Variants in MTUS2 observed in about 807,000 individuals in gnomAD.
The protein encoded by MTUS2 is microtubule-associated tumor suppressor candidate 2.
In MTUS2, 40 loss-of-function variants were observed where a neutral mutation model predicts 114.1. The ratio of observed to expected loss-of-function variants is 0.35; its 90% confidence interval spans 0.27 to 0.46. MTUS2 has a LOEUF of 0.46. Among genes scored for constraint, MTUS2 ranks in the 20% least tolerant of loss-of-function variants. The pLI is 1.00. For missense variants in MTUS2, 1,679 were observed against 1,705.4 expected, an observed-to-expected ratio of 0.98 and a Z score of 0.27; for synonymous variants, 688 against 672.0, an observed-to-expected ratio of 1.02 and a Z score of -0.37.
At chr13:29,357,563 A>T (rs1476689516) in intron 7 of MTUS2, among the ~76,000 whole-genome samples, 2 of 152,188 alleles carry the variant, frequency 1.3e-5, no homozygotes, top group Non-Finnish European at 2.9e-5. Context: ...TTAGAGTTTA[A>T]TGCAGGCAAT....
At chr13:28,914,920 C>G (rs895483545) in intron 2 of MTUS2, among the ~76,000 whole-genome samples, 9 of 151,306 alleles carry the variant, frequency 5.9e-5, no homozygotes, top group African/African-American at 1.7e-4. Flanking sequence ...GTGACCCCTG[C>G]TTTTTTTTGC....
chr13:29,320,682 A>G (rs910031977), intron 6 of MTUS2, among the ~76,000 whole-genome samples: 1 of 152,210 alleles, frequency 6.6e-6, no homozygotes, highest in Admixed American at 6.5e-5. Context: ...TTTAACAGTA[A>G]AATCATGGGA....
intron 2 of MTUS2, among the ~76,000 whole-genome samples, chr13:28,893,637 GC>G (rs1388795264): frequency 6.6e-6 from 1 of 152,180 alleles, no homozygotes; most frequent in Non-Finnish European, 1.5e-5. Flanking sequence ...AGGAACAGAA[GC>G]ATCCCATGAA....
intron 5 of MTUS2, among the ~76,000 whole-genome samples, chr13:29,169,508 TG>T (rs1893463602): frequency 6.6e-6 from 1 of 152,210 alleles, no homozygotes; most frequent in Non-Finnish European, 1.5e-5. Context: ...TTTACGTGTG[TG>T]TCAGAGACAT....
chr13:28,825,714 A>G (rs1033807963), intron 1 of MTUS2, among the ~76,000 whole-genome samples: 2 of 152,230 alleles, frequency 1.3e-5, no homozygotes, highest in African/African-American at 4.8e-5. Context: ...GGACAGGGGT[A>G]TGGAACCAGG....
chr13:29,203,220 G>GA (rs2139246877), intron 5 of MTUS2, among the ~76,000 whole-genome samples: 1 of 152,346 alleles, frequency 6.6e-6, no homozygotes, highest in South Asian at 2.1e-4. Flanking sequence ...CAGAGAGGAG[G>GA]AATCTAGAGA....
chr13:29,338,922 A>T (rs929168447), intron 7 of MTUS2, among the ~76,000 whole-genome samples: 8 of 152,224 alleles, frequency 5.3e-5, no homozygotes, highest in African/African-American at 1.9e-4. Context: ...CTGCAGGCTA[A>T]GGAGAGGCGG....
At chr13:29,384,013 A>G (rs1030747010) in intron 8 of MTUS2, among the ~76,000 whole-genome samples, 24 of 152,182 alleles carry the variant, frequency 1.6e-4, no homozygotes, top group Non-Finnish European at 1.2e-4. Context: ...ATATAATGAA[A>G]CCTGGAGTGG....
chr13:29,296,200 TGTTTG>T (rs1231303397), intron 6 of MTUS2, among the ~76,000 whole-genome samples: 108 of 34,354 alleles, frequency 3.1e-3, no homozygotes, highest in African/African-American at 0.019. Context: ...TTTAGGTTTT[TGTTTG>T]TTTGTTTGTT....
chr13:29,022,615 C>T (rs180926646), intron 2 of MTUS2, among the ~76,000 whole-genome samples: 4 of 152,320 alleles, frequency 2.6e-5, no homozygotes, highest in Admixed American at 2.6e-4. Flanking sequence ...GTGGTGTGCA[C>T]GTGTGCTTGC....
intron 9 of MTUS2, among the ~76,000 whole-genome samples, chr13:29,477,572 G>T (rs966901508): frequency 3.9e-5 from 6 of 152,196 alleles, no homozygotes; most frequent in Non-Finnish European, 7.4e-5. Context: ...AGAGGAAGGG[G>T]AGGACCCTGG....
intron 5 of MTUS2, among the ~76,000 whole-genome samples, chr13:29,157,787 T>G (rs4769003): frequency 0.4 from 60,823 of 151,760 alleles, 13,970 homozygotes; most frequent in Non-Finnish European, 0.48. Flanking sequence ...GATATATATA[T>G]ATAGATAGAT....
At chr13:29,489,318 CTT>C (rs1178718664) in intron 11 of MTUS2, among the ~76,000 whole-genome samples, 4 of 152,158 alleles carry the variant, frequency 2.6e-5, no homozygotes, top group Non-Finnish European at 5.9e-5. Flanking sequence ...CATTGATAAA[CTT>C]TTACAATTTG....
intron 2 of MTUS2, among the ~76,000 whole-genome samples, chr13:28,887,517 T>C (rs1460518049): frequency 6.6e-6 from 1 of 152,124 alleles, no homozygotes; most frequent in Non-Finnish European, 1.5e-5. Context: ...CACTGCATGG[T>C]TTTGGGTTTC....
intron 5 of MTUS2, among the ~76,000 whole-genome samples, chr13:29,206,103 C>G (rs915538390): frequency 3.3e-5 from 5 of 152,180 alleles, no homozygotes; most frequent in Non-Finnish European, 5.9e-5. Flanking sequence ...TATGGCCGTT[C>G]TTGCTGGAGT....
At chr13:29,429,406 C>A (rs1177408483) in intron 8 of MTUS2, among the ~76,000 whole-genome samples, 1 of 152,184 alleles carries the variant, frequency 6.6e-6, no homozygotes, top group East Asian at 1.9e-4. Context: ...TCTCTCTGTA[C>A]TTCTTTGCAT....
intron 2 of MTUS2, among the ~76,000 whole-genome samples, chr13:28,919,929 A>G (rs566961902): frequency 1.3e-5 from 2 of 152,202 alleles, no homozygotes; most frequent in African/African-American, 2.4e-5. Flanking sequence ...AATAATTTCA[A>G]TCTCTTGGTC....
At chr13:29,076,509 C>G (rs1466508484) in intron 4 of MTUS2, among the ~76,000 whole-genome samples, 1 of 152,200 alleles carries the variant, frequency 6.6e-6, no homozygotes, top group African/African-American at 2.4e-5. Flanking sequence ...TTCTACACAT[C>G]TGAAGGCTTG....
chr13:29,471,408 G>A (rs915260342), intron 9 of MTUS2, among the ~76,000 whole-genome samples: 1 of 151,990 alleles, frequency 6.6e-6, no homozygotes, highest in East Asian at 1.9e-4. Context: ...TTGTTTGCCC[G>A]CCATGACAGC....
Sources: allele counts gnomAD v4.1 joint callset (sites outside exome capture counted in the v4.1 genomes callset), GRCh38; gene constraint gnomAD v4.1.1; transcripts MANE v1.5; gene names NCBI Gene and HGNC (gene_info 2026-07-23, HGNC 2026-07-21).